Variants in TSPAN19 observed in about 807,000 individuals in gnomAD.
TSPAN19 encodes the protein tetraspanin 19.
TSPAN19 carries 44 observed loss-of-function variants against 35.1 expected under a neutral mutation model. The observed-to-expected ratio is 1.25, with a 90% CI of 0.98 to 1.61. The LOEUF (loss-of-function observed/expected upper bound fraction) is 1.61. TSPAN19 is among the 40% of genes most tolerant of loss of function. The pLI is 0.00. For missense variants in TSPAN19, 290 were observed against 280.0 expected (o/e 1.04, Z -0.26); for synonymous variants, 79 against 92.0 (o/e 0.86, Z 0.81).
Position 85,029,127 on chromosome 12 carries a change from C to A in TSPAN19, c.139+592G>T, listed in dbSNP as rs1250196133. Among the ~76,000 whole-genome samples, 5 of 152,074 alleles carry A rather than the reference C, an allele frequency of 3.3e-5. No individual in the cohort carries two copies. The South Asian group carries it at 8.3e-4, about 25-fold the overall frequency. ...TTCAGTCTTCTTCACTGAAATAAAG[C>A]TCCATGTGGATAGGAACTTTATTTT... On this transcript the variant is annotated intron_variant, in intron 3 of 8. Transcript: ENST00000532498.
At chr12:85,023,733 C>T (rs973976455) in intron 4 of TSPAN19, among the ~76,000 whole-genome samples, 4 of 152,068 alleles carry the variant, frequency 2.6e-5, no homozygotes, top group African/African-American at 9.7e-5. Context: ...CATTATTTTG[C>T]TAAAACTAAA....
chr12:85,021,382 T>G (rs1400445607), intron 5 of TSPAN19, among the ~76,000 whole-genome samples: 1 of 152,028 alleles, frequency 6.6e-6, no homozygotes, highest in Non-Finnish European at 1.5e-5. Flanking sequence ...TGTATTTTAA[T>G]ACATTTAAGA....
At chr12:85,028,814 TC>T (rs1877547092) in intron 3 of TSPAN19, among the ~76,000 whole-genome samples, 1 of 152,172 alleles carries the variant, frequency 6.6e-6, no homozygotes, top group Non-Finnish European at 1.5e-5. Context: ...ATCAATATTC[TC>T]TATTCCAGAA....
chr12:85,030,008 C>T (rs762774350), intron 1 of TSPAN19, 35 bp from the exon 2 acceptor site: 90 of 1,322,862 alleles, frequency 6.8e-5, no homozygotes, highest in Non-Finnish European at 8.6e-5. Context: ...AAACATTCTA[C>T]ACAACAACTT....
intron 1 of TSPAN19, among the ~76,000 whole-genome samples, chr12:85,034,377 G>T (rs897582258): frequency 1.3e-5 from 2 of 152,074 alleles, no homozygotes; most frequent in Non-Finnish European, 1.5e-5. Context: ...AGGAATATTA[G>T]TCTTGTCAGA....
At chr12:85,021,027 C>G (rs1222265804) in intron 5 of TSPAN19, among the ~76,000 whole-genome samples, 1 of 151,980 alleles carries the variant, frequency 6.6e-6, no homozygotes, top group Non-Finnish European at 1.5e-5. Context: ...TTTCAAAAAT[C>G]TAGGTAATGC....
chr12:85,015,679 A>G, intron 8 of TSPAN19: 1 of 431,748 alleles, frequency 2.3e-6, no homozygotes, highest in Non-Finnish European at 4.1e-6. Flanking sequence ...TAATAAAATC[A>G]CTACCTCCAG....
chr12:85,023,432 A>C (rs765291707), intron 4 of TSPAN19, 32 bp from the exon 5 acceptor site: 3 of 1,480,854 alleles, frequency 2.0e-6, no homozygotes, highest in Non-Finnish European at 2.8e-6. Context: ...GATGATGACT[A>C]TGCTACTAAT....
At chr12:85,031,337 T>C (rs543897082) in intron 1 of TSPAN19, among the ~76,000 whole-genome samples, 2 of 152,286 alleles carry the variant, frequency 1.3e-5, no homozygotes, top group Admixed American at 1.3e-4. Context: ...ATGCTATAAA[T>C]CTACATTTTT....
Position 85,015,968 on chromosome 12 carries a change from A to G in TSPAN19, c.598T>C (p.Cys200Arg), listed in dbSNP as rs746204241. The G allele has an allele frequency of 1.8e-5, 27 of 1,530,496 alleles. No individual in the cohort carries two copies. Among genetic ancestry groups the G allele is most frequent in the Non-Finnish European group, 2.0e-5 (23 of 1,134,830 alleles). 94.8% of individuals were successfully genotyped at this position (1,530,496 alleles called of 1,614,324 possible). ...TACCATGCACTGATTTTATTTTCAC[A>G]ACCCTAAGAAAAAGAAGTTATTCAG... ...EPLNATYLEG[C>R]ENKISAWYNV... The change falls in exon 8 of 9, where the codon TGT (cysteine) becomes CGT (arginine). Residue 200 changes from cysteine to arginine, a missense_variant. Transcript: ENST00000532498.
intron 5 of TSPAN19, among the ~76,000 whole-genome samples, chr12:85,022,482 C>T (rs544313107): frequency 6.6e-6 from 1 of 152,180 alleles, no homozygotes; most frequent in East Asian, 1.9e-4. Context: ...TAAGAGAACT[C>T]TTGAGTAGCT....
At chr12:85,028,202 T>G (rs909958477) in intron 3 of TSPAN19, among the ~76,000 whole-genome samples, 179 bp from the exon 4 acceptor site, 1 of 152,178 alleles carries the variant, frequency 6.6e-6, no homozygotes, top group African/African-American at 2.4e-5. Flanking sequence ...GTACCAGCTC[T>G]TACTTTTAGA....
At chr12:85,028,552 A>G (rs1877532274) in intron 3 of TSPAN19, among the ~76,000 whole-genome samples, 1 of 152,236 alleles carries the variant, frequency 6.6e-6, no homozygotes, top group South Asian at 2.1e-4. Flanking sequence ...GTGCTATGGC[A>G]CAAACAGCAG....
intron 3 of TSPAN19, 80 bp from the exon 4 acceptor site, chr12:85,028,103 A>G: frequency 8.3e-7 from 1 of 1,202,824 alleles, no homozygotes; most frequent in Admixed American, 3.4e-5. Context: ...ATTTAAGAAT[A>G]ATTGCAGCAA....
intron 6 of TSPAN19, among the ~76,000 whole-genome samples, chr12:85,018,565 A>G (rs1203777183): frequency 6.6e-6 from 1 of 151,966 alleles, no homozygotes; most frequent in Non-Finnish European, 1.5e-5. Context: ...TGAAAATACA[A>G]TACATGTACG....
chr12:85,018,186 G>A (rs933235694), intron 6 of TSPAN19, among the ~76,000 whole-genome samples: 10 of 151,838 alleles, frequency 6.6e-5, no homozygotes, highest in African/African-American at 2.4e-4. Flanking sequence ...ATCCTATCAA[G>A]CAGAGTTAGG....
intron 3 of TSPAN19, among the ~76,000 whole-genome samples, chr12:85,028,742 T>C (rs1484746247): frequency 1.3e-5 from 2 of 152,176 alleles, no homozygotes. Context: ...GAATTCACTT[T>C]GACACCTTGA....
At chr12:85,020,262 T>A (rs1308877570) in intron 5 of TSPAN19, among the ~76,000 whole-genome samples, 2 of 151,908 alleles carry the variant, frequency 1.3e-5, no homozygotes, top group Non-Finnish European at 2.9e-5. Context: ...TGAAGGTATA[T>A]TTAATTCCTT....
At chr12:85,020,249 C>T (rs12229124) in intron 5 of TSPAN19, among the ~76,000 whole-genome samples, 13,365 of 151,206 alleles carry the variant, frequency 0.088, 860 homozygotes, top group East Asian at 0.23. Flanking sequence ...ACATTTTTCT[C>T]GGTGAAGGTA....
Sources: gnomAD v4.1 joint callset for allele counts (sites outside exome capture counted in the v4.1 genomes callset) on GRCh38, gnomAD v4.1.1 for gene constraint, MANE v1.5 for transcripts, NCBI Gene and HGNC (gene_info 2026-07-23, HGNC 2026-07-21) for gene names.